Variants in TRIO observed in about 807,000 individuals in gnomAD.
TRIO encodes triple functional domain protein.
In TRIO, 58 loss-of-function variants were observed where a neutral mutation model predicts 351.9. The ratio of observed to expected loss-of-function variants is 0.16; its 90% CI spans 0.13 to 0.21. The LOEUF (loss-of-function observed/expected upper bound fraction) is 0.21. TRIO is among the 10% of genes least tolerant of loss of function. The probability of loss-of-function intolerance (pLI) is 1.00; values close to 1 mark genes in which losing one functional copy is unlikely to be tolerated. For synonymous variants in TRIO, 1,758 were observed against 1,595.7 expected (o/e 1.10, Z -2.42); for missense variants, 3,201 against 4,027.8 (o/e 0.79, Z 5.56).
intron 11 of TRIO, among the ~76,000 whole-genome samples, chr5:14,347,340 GTGGA>G (rs1441568181): frequency 2.4e-5 from 3 of 126,746 alleles, no homozygotes; most frequent in African/African-American, 3.0e-5. Flanking sequence ...GTCATCTCAG[GTGGA>G]CCTGAGGTCC....
At chr5:14,241,270 T>A (rs1468935536) in intron 1 of TRIO, among the ~76,000 whole-genome samples, 1 of 152,206 alleles carries the variant, frequency 6.6e-6, no homozygotes, top group Non-Finnish European at 1.5e-5. Context: ...GTTATTGTGT[T>A]CTATGAGTAT....
intron 54 of TRIO, among the ~76,000 whole-genome samples, chr5:14,503,937 G>A (rs946642144): frequency 1.3e-5 from 2 of 152,238 alleles, no homozygotes; most frequent in African/African-American, 4.8e-5. Context: ...GGGTCCTCGT[G>A]CCTGCCCCAC....
intron 55 of TRIO, among the ~76,000 whole-genome samples, chr5:14,506,606 G>A (rs570566311): frequency 9.2e-5 from 14 of 152,114 alleles, no homozygotes; most frequent in Non-Finnish European, 2.1e-4. Context: ...GGCAGTGCTG[G>A]GTAAGTGTTT....
chr5:14,349,225 T>C (rs1197859551), intron 11 of TRIO, among the ~76,000 whole-genome samples: 18 of 149,858 alleles, frequency 1.2e-4, no homozygotes, highest in Admixed American at 9.3e-4. Flanking sequence ...TGTGTGTTTT[T>C]CCTGTGTGTT....
chr5:14,340,941 T>C (rs1216449123), intron 11 of TRIO, among the ~76,000 whole-genome samples: 1 of 152,232 alleles, frequency 6.6e-6, no homozygotes, highest in Admixed American at 6.5e-5. Flanking sequence ...GATTTGGAAG[T>C]ATTCCAAGAT....
chr5:14,450,168 C>T (rs915931819), intron 34 of TRIO, among the ~76,000 whole-genome samples: 8 of 152,170 alleles, frequency 5.3e-5, no homozygotes, highest in East Asian at 1.9e-4. Context: ...TCGACGCGGC[C>T]GGCCTCATAT....
chr5:14,284,599 C>G (rs946142771), intron 3 of TRIO, among the ~76,000 whole-genome samples: 3 of 152,088 alleles, frequency 2.0e-5, no homozygotes, highest in African/African-American at 7.2e-5. Flanking sequence ...CCCGCTTATT[C>G]CTGTTGTTAA....
chr5:14,446,146 C>T (rs1253507010), intron 34 of TRIO, among the ~76,000 whole-genome samples: 1 of 152,036 alleles, frequency 6.6e-6, no homozygotes, highest in African/African-American at 2.4e-5. Context: ...CCCTCCCTCC[C>T]TCCCTCGCTC....
chr5:14,291,047 G>A lies in TRIO; in HGVS notation c.872G>A (p.Ser291Asn). 6.2e-7 allele frequency: 1 copy of A among 1,614,204 alleles called. No homozygotes were observed. Among genetic ancestry groups the A allele is most frequent in the Non-Finnish European group, 8.5e-7 (1 of 1,180,042 alleles). ...KLLQRIQSSE[S>N]FPKKNSGSGN... ...CTTCAGAGGATACAGAGCAGTGAAAGCTTTCCCAAAAAGAACTCAGGCTCA... is the reference window on the plus strand; with the variant it reads ...CTTCAGAGGATACAGAGCAGTGAAAACTTTCCCAAAAAGAACTCAGGCTCA... Residue 291 changes from serine to asparagine, a missense_variant, in exon 5 of 57, where the codon AGC (serine) becomes AAC (asparagine). Ser to Asn is a conservative substitution (Grantham distance 46). This residue lies in a region of TRIO where 349 missense variants were observed against 449.3 expected (regional missense o/e 0.78). Transcript: ENST00000344204.
intron 1 of TRIO, among the ~76,000 whole-genome samples, chr5:14,149,903 C>T (rs192914211): frequency 1.1e-3 from 163 of 152,332 alleles, no homozygotes; most frequent in Non-Finnish European, 1.7e-3. Context: ...GTGGTGTCCA[C>T]GTGAGTTGAT....
intron 21 of TRIO, among the ~76,000 whole-genome samples, chr5:14,385,307 A>T (rs145917459): frequency 6.6e-6 from 1 of 152,352 alleles, no homozygotes; most frequent in African/African-American, 2.4e-5. Context: ...GATTTCTTGC[A>T]TTGTTGCCGT....
intron 11 of TRIO, among the ~76,000 whole-genome samples, chr5:14,354,502 G>A (rs888226067): frequency 1.1e-4 from 17 of 152,278 alleles, no homozygotes; most frequent in African/African-American, 3.4e-4. Flanking sequence ...CTCCTGCTGC[G>A]CTGCAGGTTC....
intron 10 of TRIO, among the ~76,000 whole-genome samples, chr5:14,332,572 T>C (rs1326558992): frequency 6.6e-6 from 1 of 152,220 alleles, no homozygotes; most frequent in African/African-American, 2.4e-5. Context: ...TTTTAATCTT[T>C]TAAAATAAAT....
At chr5:14,341,109 C>T (rs931406621) in intron 11 of TRIO, among the ~76,000 whole-genome samples, 1 of 152,202 alleles carries the variant, frequency 6.6e-6, no homozygotes, top group Non-Finnish European at 1.5e-5. Flanking sequence ...GATCTTTCTC[C>T]TCCTACACGT....
At chr5:14,437,695 G>T (rs165489) in intron 34 of TRIO, among the ~76,000 whole-genome samples, 6 of 103,596 alleles carry the variant, frequency 5.8e-5, no homozygotes, top group East Asian at 2.6e-4. Flanking sequence ...CACCCCCCCC[G>T]CCCCAAGGAC....
chr5:14,417,056 G>A (rs1410173243), intron 33 of TRIO, among the ~76,000 whole-genome samples: 1 of 152,322 alleles, frequency 6.6e-6, no homozygotes, highest in African/African-American at 2.4e-5. Flanking sequence ...CTGTGTTCCC[G>A]GAACAGGAAG....
At chr5:14,437,650 T>C (rs1191624694) in intron 34 of TRIO, among the ~76,000 whole-genome samples, 2 of 150,776 alleles carry the variant, frequency 1.3e-5, no homozygotes, top group African/African-American at 2.5e-5. Flanking sequence ...TCATCTCCTC[T>C]TCCCGTGAGG....
intron 34 of TRIO, among the ~76,000 whole-genome samples, chr5:14,424,987 C>G (rs190602683): frequency 2.6e-5 from 4 of 152,314 alleles, no homozygotes; most frequent in Admixed American, 2.0e-4. Context: ...ACCATCTCCC[C>G]ACTTGTTCAC....
chr5:14,323,666 G>A (rs185977061), intron 9 of TRIO, among the ~76,000 whole-genome samples: 335 of 152,348 alleles, frequency 2.2e-3, no homozygotes, highest in Non-Finnish European at 3.6e-3. Flanking sequence ...TGAATAATGC[G>A]GTCTGGGGTC....
Sources: allele counts gnomAD v4.1 joint callset (sites outside exome capture counted in the v4.1 genomes callset), GRCh38; gene constraint gnomAD v4.1.1; regional missense constraint gnomAD v4.1.1; transcripts MANE v1.5; gene names NCBI Gene and HGNC (gene_info 2026-07-23, HGNC 2026-07-21).